The following SLC8B1 variants were observed in gnomAD, a reference collection of about 807,000 sequenced individuals.
The protein encoded by SLC8B1 is mitochondrial sodium/calcium exchanger protein.
In SLC8B1, 52 loss-of-function variants were observed where a neutral mutation model predicts 63.4. The ratio of observed to expected loss-of-function variants is 0.82; its 90% confidence interval spans 0.66 to 1.03. The LOEUF is 1.03. Among genes scored for constraint, SLC8B1 ranks in the 50% least tolerant of loss-of-function variants. SLC8B1 has a pLI of 0.00. For missense variants in SLC8B1, 657 were observed against 741.7 expected (o/e 0.89, Z 1.33); for synonymous variants, 336 against 323.9 (o/e 1.04, Z -0.40).
At chr12:113,321,027 G>A (rs1174301553) in intron 4 of SLC8B1, 29 bp downstream of exon 4, 4 of 1,605,316 alleles carry the variant, frequency 2.5e-6, no homozygotes, top group African/African-American at 1.3e-5. Flanking sequence ...CCATTGATAA[G>A]CCAGACCGGA....
chr12:113,316,051 C>G (rs937195014), intron 10 of SLC8B1, among the ~76,000 whole-genome samples: 1 of 152,028 alleles, frequency 6.6e-6, no homozygotes, highest in African/African-American at 2.4e-5. Context: ...GGTGAAACCC[C>G]GTCTCTACTA....
chr12:113,321,910 T>C (rs1956937590), intron 2 of SLC8B1, among the ~76,000 whole-genome samples: 1 of 152,092 alleles, frequency 6.6e-6, no homozygotes, highest in African/African-American at 2.4e-5. Context: ...AATTCTATGA[T>C]GGCTGGGGGC....
intron 2 of SLC8B1, among the ~76,000 whole-genome samples, chr12:113,329,534 T>TGCCCTCCCCGAGCTGCACA (rs1302075431): frequency 6.6e-6 from 1 of 152,156 alleles, no homozygotes. Context: ...TGTCTCGCTC[T>TGCCCTCCCCGAGCTGCACA]GCCCTCCCCG....
intron 2 of SLC8B1, among the ~76,000 whole-genome samples, chr12:113,324,916 C>G (rs1956978719): frequency 6.6e-6 from 1 of 152,120 alleles, no homozygotes; most frequent in South Asian, 2.1e-4. Context: ...GTTGGCCAGG[C>G]TGGTCTTGAA....
rs1469017601 is a variant in SLC8B1 at position 113,315,488 on chromosome 12, G to A, written c.994-12C>T. The A allele has an allele frequency of 1.9e-6, 3 of 1,569,570 alleles. No individual in the cohort carries two copies. Among genetic ancestry groups the A allele is most frequent in the Admixed American group, 1.9e-5 (1 of 53,012 alleles). On this transcript the variant is annotated splice_polypyrimidine_tract_variant and intron_variant, in intron 10 of 15. Coordinates refer to ENST00000680972, the MANE Select transcript of SLC8B1 (RefSeq NM_001358345.2). The stretch of plus-strand genomic sequence containing the variant: ...AACTCCACAGGCAGCTGTCAAGGGG[G>A]CAAAAGTGGGAGGGTGTCGGCAGGG...
rs1400691168 is a variant in SLC8B1 at position 113,310,319 on chromosome 12, C to A, written c.1172G>T (p.Trp391Leu). ...VYEIGGLVPV[W>L]VVVVIAGTAL... ...TGTGCCTGCGATCACCACCACGACC[C>A]AGACGGGAACGAGGCCGCCTATCTC... Residue 391 changes from tryptophan (W) to leucine (L), a missense_variant, in exon 12 of 16, where the codon TGG (tryptophan) becomes TTG (leucine). By Grantham distance (61) the Trp-to-Leu change is moderately conservative. Transcript: ENST00000680972. 3 of 1,613,948 alleles carry A rather than the reference C, an allele frequency of 1.9e-6. No homozygotes were observed. Among genetic ancestry groups the A allele is most frequent in the East Asian group, 2.2e-5 (1 of 44,894 alleles).
At chr12:113,326,683 C>CTT (rs561363613) in intron 2 of SLC8B1, among the ~76,000 whole-genome samples, 16,566 of 144,726 alleles carry the variant, frequency 0.11, 1,020 homozygotes, top group African/African-American at 0.17. Context: ...CTTTCTCTCT[C>CTT]TTTTTTTTTT....
chr12:113,307,405 C>G (rs974516209), intron 13 of SLC8B1, among the ~76,000 whole-genome samples: 1 of 152,068 alleles, frequency 6.6e-6, no homozygotes, highest in East Asian at 1.9e-4. Flanking sequence ...CAAGCACGGC[C>G]GGCTGCAATG....
rs1049737989 is a variant in SLC8B1, at chr12:113,320,532, C to T, written c.527-34G>A. Reference sequence around the variant, plus strand: ...AGGAGGCCAGAGCTCAGCCACCCTGCACCCTCTCCTGCTGCTTTCCCCGCC... The same window carrying T: ...AGGAGGCCAGAGCTCAGCCACCCTGTACCCTCTCCTGCTGCTTTCCCCGCC... On this transcript the variant is annotated intron_variant, in intron 6 of 15. Coordinates refer to ENST00000680972, the MANE Select transcript of SLC8B1 (RefSeq NM_001358345.2). The surrounding 1 kb of genome is among the most constrained non-coding windows in gnomAD (Gnocchi z 5.3). 6 of 1,613,824 alleles carry T rather than the reference C, an allele frequency of 3.7e-6. No homozygotes were observed. Among genetic ancestry groups the T allele is most frequent in the Non-Finnish European group, 5.1e-6 (6 of 1,179,986 alleles).
At position 113,334,442 on chromosome 12, in the gene SLC8B1, C is replaced by A. The variant is rs1004457911; in HGVS notation, c.-83+1G>T. 1.2e-4 allele frequency: 19 copies of A among 152,142 alleles called. No individual in the cohort carries two copies. The highest frequency in any genetic ancestry group is 4.3e-4 in the African/African-American group (18 of 41,408). 9.4% of individuals were successfully genotyped at this position (152,142 alleles called of 1,614,324 possible). On this transcript the variant is annotated splice_donor_variant, in intron 1 of 15. Transcript: ENST00000680972. LOFTEE classifies it low-confidence loss of function (5UTR_SPLICE). ...GCGCCTGTCCCAGCCAGGTTCCTTA[C>A]CTGTCCACGGAAGACACGGCCCTTC...
chr12:113,320,455 G>T lies in SLC8B1; in HGVS notation c.570C>A (p.Thr190=). 6.2e-7 allele frequency: 1 copy of T among 1,614,136 alleles called. No individual in the cohort carries two copies. The highest frequency in any genetic ancestry group is 8.5e-7 in the Non-Finnish European group (1 of 1,180,012). ...LVTTVVAGGI[T]ILHPFMAASR... ...AGGCAGCCATGAAGGGGTGTAGGAT[G>T]GTAATGCCTCCGGCCACCACTGTGG... Residue 190 remains threonine (T), a synonymous_variant, in exon 7 of 16, where the codon ACC becomes ACA. Coordinates refer to ENST00000680972, the MANE Select transcript of SLC8B1 (RefSeq NM_001358345.2). This position sits in a 1 kb window ranked among gnomAD's most constrained non-coding sequence, Gnocchi z 5.3.
chr12:113,301,640 A>C (rs547730120), intron 15 of SLC8B1, among the ~76,000 whole-genome samples: 6 of 152,282 alleles, frequency 3.9e-5, no homozygotes, highest in Non-Finnish European at 5.9e-5. Context: ...CACCCAGCCC[A>C]TAAGGTTTTT....
intron 2 of SLC8B1, among the ~76,000 whole-genome samples, chr12:113,324,319 AC>A (rs200398475): frequency 2.4e-4 from 37 of 151,100 alleles, no homozygotes; most frequent in African/African-American, 7.3e-4. Flanking sequence ...TCAAAAAAAA[AC>A]AAACAAACAA....
intron 2 of SLC8B1, among the ~76,000 whole-genome samples, chr12:113,327,952 T>C (rs1438580062): frequency 1.5e-5 from 2 of 136,740 alleles, no homozygotes; most frequent in Non-Finnish European, 3.1e-5. Flanking sequence ...CACTCCAGCC[T>C]AGGCAACAAG....
chr12:113,332,652 T>C, intron 2 of SLC8B1, 71 bp downstream of exon 2: 1 of 1,513,564 alleles, frequency 6.6e-7, no homozygotes, highest in Non-Finnish European at 8.9e-7. Context: ...ACATAGTAGA[T>C]GCTCAATAGA....
intron 15 of SLC8B1, among the ~76,000 whole-genome samples, chr12:113,301,418 C>A (rs1253983371): frequency 6.8e-6 from 1 of 148,144 alleles, no homozygotes; most frequent in Non-Finnish European, 1.5e-5. Flanking sequence ...CTCACAGCAA[C>A]CTCTACCTCC....
chr12:113,307,092 C>T, intron 13 of SLC8B1, among the ~76,000 whole-genome samples: 1 of 109,802 alleles, frequency 9.1e-6, no homozygotes, highest in South Asian at 3.3e-4. Flanking sequence ...GCCTGGGCGA[C>T]AGAGCAAGCC....
chr12:113,326,951 G>A (rs1957003925), intron 2 of SLC8B1, among the ~76,000 whole-genome samples: 1 of 152,140 alleles, frequency 6.6e-6, no homozygotes, highest in African/African-American at 2.4e-5. Flanking sequence ...AAAACATGCA[G>A]ATGCAAGTCT....
chr12:113,323,475 G>A (rs1308525666), intron 2 of SLC8B1, among the ~76,000 whole-genome samples: 1 of 152,194 alleles, frequency 6.6e-6, no homozygotes, highest in Non-Finnish European at 1.5e-5. Context: ...TTGGGAGGCC[G>A]AGGTAGGCGG....
Sources: gnomAD v4.1 joint callset for allele counts (sites outside exome capture counted in the v4.1 genomes callset) on GRCh38, gnomAD v4.1.1 for gene constraint, Gnocchi (gnomAD v3.1) non-coding constraint, MANE v1.5 for transcripts, NCBI Gene and HGNC (gene_info 2026-07-23, HGNC 2026-07-21) for gene names.